CPSF3: variants seen among roughly 807,000 people sequenced by gnomAD.
The protein encoded by CPSF3 is cleavage and polyadenylation specific factor 3.
CPSF3 carries 57 observed loss-of-function variants against 84.1 expected under a neutral mutation model. That is an observed-to-expected ratio of 0.68 (90% CI 0.55 to 0.85). The LOEUF (loss-of-function observed/expected upper bound fraction) is 0.85, where lower values mean the gene tolerates loss of function less well. Ranked by LOEUF, CPSF3 falls within the 40% of genes least tolerant of loss-of-function variation. The pLI is 0.00. For synonymous variants in CPSF3, 275 were observed against 278.1 expected (o/e 0.99, Z 0.11); for missense variants, 522 against 838.8 (o/e 0.62, Z 4.66).
At chr2:9,440,720 T>A (rs890856960) in intron 8 of CPSF3, 54 bp downstream of exon 8, 1 of 1,574,306 alleles carries the variant, frequency 6.4e-7, no homozygotes, top group Non-Finnish European at 8.7e-7. Flanking sequence ...CAGTCATTAG[T>A]AGTAGGAGGT....
intron 11 of CPSF3, among the ~76,000 whole-genome samples, chr2:9,449,913 A>G (rs1231873098): frequency 1.3e-5 from 2 of 152,164 alleles, no homozygotes; most frequent in Non-Finnish European, 2.9e-5. Context: ...TCTAAGAGAA[A>G]CTTTTTAAAA....
intron 12 of CPSF3, among the ~76,000 whole-genome samples, chr2:9,455,385 C>T (rs893828146): frequency 6.6e-5 from 10 of 151,642 alleles, no homozygotes; most frequent in Non-Finnish European, 1.0e-4. Context: ...CCACCTGCCT[C>T]GGCTTCCCAA....
chr2:9,430,620 CTT>C, intron 3 of CPSF3, 130 bp from the exon 4 acceptor site: 2 of 748,590 alleles, frequency 2.7e-6, no homozygotes, highest in Non-Finnish European at 4.4e-6. Context: ...CATACCTACT[CTT>C]GGTTTTTCTG....
At position 9,424,576 on chromosome 2, in the gene CPSF3, C is replaced by T. The variant is rs1225268500; in HGVS notation, c.50+753C>T. 2.0e-5 allele frequency: 3 copies of T among 152,236 alleles called. No individual in the cohort carries two copies. In the East Asian group the frequency reaches 5.8e-4, roughly 29 times the overall value. 9.4% of individuals were successfully genotyped at this position (152,236 alleles called of 1,614,324 possible). A position where few individuals can be genotyped will look rare whatever the true frequency, so the allele number is the denominator to read the frequency against. ...CTAGTTGGCACAACATGAATATACGCTTTCCAAAAGGTAGAAAGTATCTCC... is the reference window on the plus strand; with the variant it reads ...CTAGTTGGCACAACATGAATATACGTTTTCCAAAAGGTAGAAAGTATCTCC... On this transcript the variant is annotated intron_variant, in intron 1 of 17. Transcript: ENST00000238112.
chr2:9,426,356 A>G (rs1386977527), intron 1 of CPSF3, among the ~76,000 whole-genome samples: 1 of 152,256 alleles, frequency 6.6e-6, no homozygotes, highest in Non-Finnish European at 1.5e-5. Flanking sequence ...AACCACATCA[A>G]TATCTGAAGA....
intron 15 of CPSF3, among the ~76,000 whole-genome samples, chr2:9,463,510 A>G (rs1364334411): frequency 1.3e-5 from 2 of 152,238 alleles, no homozygotes; most frequent in African/African-American, 4.8e-5. Context: ...ACTTTAAGAT[A>G]ATGATCCAGG....
rs751960012 is a variant in CPSF3, at chr2:9,459,578, T to G, written c.1746T>G (p.Thr582=). 1 of 1,606,444 alleles carries G rather than the reference T, an allele frequency of 6.2e-7. No individual in the cohort carries two copies. The highest frequency in any genetic ancestry group is 1.7e-5 in the Admixed American group (1 of 59,362). The change falls in exon 15 of 18, where the codon ACT becomes ACG. Residue 582 remains threonine, a synonymous_variant. Transcript: ENST00000238112. ...ATATGTATGCAGATACAGTAACAAC[T>G]GTGATATTGGAAGTTCAGTCAAATC... The part of the protein sequence containing the change: ...SNDMYADTVT[T]VILEVQSNPK...
intron 13 of CPSF3, among the ~76,000 whole-genome samples, chr2:9,456,165 TACA>T (rs1681519324): frequency 6.6e-6 from 1 of 152,120 alleles, no homozygotes; most frequent in Non-Finnish European, 1.5e-5. Flanking sequence ...TACCAGTCTA[TACA>T]GCAGGTTTTA....
rs1005978905 is a variant in CPSF3 at position 9,425,860 on chromosome 2, ATT to A, written c.50+2040_50+2041del. On this transcript the variant is annotated intron_variant, in intron 1 of 17. Coordinates refer to ENST00000238112, the MANE Select transcript of CPSF3 (RefSeq NM_016207.4). ...CATCACCTCTCTCTAATTCCAGCACATTTTCATCACTCCCAAGAGATACCTTG... is the reference window on the plus strand; with the variant it reads ...CATCACCTCTCTCTAATTCCAGCACATTCATCACTCCCAAGAGATACCTTG... 2.6e-5 allele frequency among the ~76,000 whole-genome samples: 4 copies of A among 152,244 alleles called. No individual in the cohort carries two copies. The East Asian group carries it at 5.8e-4, about 22-fold the overall frequency.
chr2:9,447,306 G>A (rs900479928), intron 10 of CPSF3, among the ~76,000 whole-genome samples: 5 of 151,168 alleles, frequency 3.3e-5, no homozygotes, highest in Non-Finnish European at 5.9e-5. Context: ...ATGTGAGACC[G>A]TGTCTCTACA....
At chr2:9,467,863 G>A in intron 16 of CPSF3, 87 bp downstream of exon 16, 1 of 1,069,624 alleles carries the variant, frequency 9.3e-7, no homozygotes, top group Admixed American at 1.8e-5. Context: ...TTCAAGGACT[G>A]GGGCGTGGCT....
chr2:9,464,082 T>A (rs1681823733), intron 15 of CPSF3, among the ~76,000 whole-genome samples: 1 of 152,222 alleles, frequency 6.6e-6, no homozygotes. Flanking sequence ...TGTGTGTGTG[T>A]GTGTGTGTGT....
intron 17 of CPSF3, among the ~76,000 whole-genome samples, chr2:9,472,006 CAA>C (rs35342941): frequency 2.3e-4 from 22 of 97,166 alleles, no homozygotes; most frequent in African/African-American, 1.7e-4. Context: ...ACTCTGTCTC[CAA>C]AAAAAAAAAA....
Position 9,440,619 on chromosome 2 carries a change from A to G in CPSF3, c.889A>G (p.Ile297Val). 6.2e-7 allele frequency: 1 copy of G among 1,614,224 alleles called. No individual in the cohort carries two copies. The highest frequency in any genetic ancestry group is 1.7e-5 in the Admixed American group (1 of 60,024). ...CATGAATGACAAAATCCGCAAACAG[A>G]TCAACATCAATAATCCCTTTGTTTT... ...NAMNDKIRKQ[I>V]NINNPFVFKH... Residue 297 changes from isoleucine to valine, a missense_variant, in exon 8 of 18, where the codon ATC (isoleucine) becomes GTC (valine). Ile to Val is a conservative substitution (Grantham distance 29). Around this residue, in one of 2 missense-constraint regions of CPSF3, gnomAD observed 329 missense variants for 607.2 expected, o/e 0.54. Transcript: ENST00000238112.
At position 9,465,835 on chromosome 2, in the gene CPSF3, CATGAA is replaced by C. The variant is rs576551402; in HGVS notation, c.1787-1862_1787-1858del. Among the ~76,000 whole-genome samples, 22 of 152,236 alleles carry C rather than the reference CATGAA, an allele frequency of 1.4e-4. 1 individual carries two copies. In the Middle Eastern group the frequency reaches 0.014, roughly 94 times the overall value. ...TTTGTAAAGTGAAGTCTGTTATGAA[CATGAA>C]ATGAAATGATGACAATATCCATATA... On this transcript the variant is annotated intron_variant, in intron 15 of 17. Transcript: ENST00000238112.
chr2:9,427,899 T>C (rs898596904), intron 1 of CPSF3, among the ~76,000 whole-genome samples: 5 of 151,784 alleles, frequency 3.3e-5, no homozygotes, highest in African/African-American at 1.2e-4. Context: ...GAAACAAAAA[T>C]TATGTAAGTA....
Position 9,436,210 on chromosome 2 carries a change from G to C in CPSF3, c.610-1G>C, listed in dbSNP as rs754761500. ...TCTCACACTTCTAATGTATTATTTA[G>C]GAATCTACTTATGGGACCCATATCC... On this transcript the variant is annotated splice_acceptor_variant, in intron 6 of 17. Transcript: ENST00000238112. LOFTEE classifies it high-confidence loss of function. 2 of 1,590,108 alleles carry C rather than the reference G, an allele frequency of 1.3e-6. No homozygotes were observed. Among genetic ancestry groups the C allele is most frequent in the Non-Finnish European group, 1.7e-6 (2 of 1,169,908 alleles).
chr2:9,434,877 T>A (rs1240639647), intron 6 of CPSF3, among the ~76,000 whole-genome samples: 2 of 152,158 alleles, frequency 1.3e-5, no homozygotes, highest in African/African-American at 2.4e-5. Flanking sequence ...GTTGTCTGTT[T>A]CTCCTCCACC....
intron 11 of CPSF3, among the ~76,000 whole-genome samples, chr2:9,448,560 T>C (rs765197707): frequency 1.3e-5 from 2 of 151,894 alleles, no homozygotes; most frequent in South Asian, 4.2e-4. Context: ...ATTAGATTTT[T>C]TGTGTGTGTG....
Sources: allele counts gnomAD v4.1 joint callset (sites outside exome capture counted in the v4.1 genomes callset), GRCh38; gene constraint gnomAD v4.1.1; regional missense constraint gnomAD v4.1.1; transcripts MANE v1.5; gene names NCBI Gene and HGNC (gene_info 2026-07-23, HGNC 2026-07-21).